MRPL3: variants seen among roughly 807,000 people sequenced by gnomAD.
MRPL3 encodes large ribosomal subunit protein uL3m.
A neutral mutation model predicts 44.3 loss-of-function variants in MRPL3; 43 were observed. The ratio of observed to expected loss-of-function variants is 0.97; its 90% CI spans 0.76 to 1.25. MRPL3 has a LOEUF of 1.25. MRPL3 is among the 50% of genes most tolerant of loss of function. The pLI is 0.00. For synonymous variants in MRPL3, 171 were observed against 152.3 expected, an observed-to-expected ratio of 1.12 and a Z score of -0.91; for missense variants, 406 against 427.6, an observed-to-expected ratio of 0.95 and a Z score of 0.45.
chr3:131,500,385 C>A (rs1329105004), intron 3 of MRPL3, 45 bp downstream of exon 3: 1 of 1,491,664 alleles, frequency 6.7e-7, no homozygotes, highest in Non-Finnish European at 9.3e-7. Flanking sequence ...ACAAACAGAT[C>A]TTGAAACACA....
chr3:131,465,599 G>A (rs371174619), intron 9 of MRPL3, among the ~76,000 whole-genome samples: 34 of 152,200 alleles, frequency 2.2e-4, no homozygotes, highest in African/African-American at 8.2e-4. Flanking sequence ...TTAATCTGGT[G>A]TCCAGTATAC....
At chr3:131,490,589 T>G (rs183148343) in intron 4 of MRPL3, among the ~76,000 whole-genome samples, 1 of 152,230 alleles carries the variant, frequency 6.6e-6, no homozygotes, top group Admixed American at 6.5e-5. Flanking sequence ...ATAAGAAAAC[T>G]AAGTCACATC....
intron 6 of MRPL3, among the ~76,000 whole-genome samples, chr3:131,486,104 G>C: frequency 6.6e-6 from 1 of 152,026 alleles, no homozygotes; most frequent in Non-Finnish European, 1.5e-5. Context: ...TTAATAAATG[G>C]TGCTGGGAAA....
chr3:131,486,501 G>C (rs938015632), intron 6 of MRPL3, among the ~76,000 whole-genome samples: 2 of 150,428 alleles, frequency 1.3e-5, no homozygotes, highest in African/African-American at 2.5e-5. Context: ...CATTGTGCAG[G>C]TTAGTTACAT....
At chr3:131,487,543 T>C (rs1934157121) in intron 6 of MRPL3, 137 bp downstream of exon 6, 4 of 712,376 alleles carry the variant, frequency 5.6e-6, no homozygotes, top group Non-Finnish European at 9.4e-6. Flanking sequence ...GTAGGTAACA[T>C]GAAAGATTTG....
chr3:131,500,129 G>A (rs539876539), intron 3 of MRPL3, among the ~76,000 whole-genome samples: 70 of 152,138 alleles, frequency 4.6e-4, no homozygotes, highest in Non-Finnish European at 7.6e-4. Context: ...AAACAAAATG[G>A]GATTGAGATT....
At chr3:131,495,807 G>C (rs1206853900) in intron 4 of MRPL3, among the ~76,000 whole-genome samples, 1 of 151,982 alleles carries the variant, frequency 6.6e-6, no homozygotes, top group East Asian at 1.9e-4. Context: ...CTCCAAACTT[G>C]TTTTTTCTTG....
At position 131,462,928 on chromosome 3, in the gene MRPL3, C is replaced by A. The variant is rs940738246; in HGVS notation, c.895-53G>T. 3 of 1,465,650 alleles carry A rather than the reference C, an allele frequency of 2.0e-6. 1 individual carries two copies. Among genetic ancestry groups the A allele is most frequent in the South Asian group, 2.5e-5 (2 of 78,992 alleles). The allele number at this position is 1,465,650 out of a possible 1,614,324, so 90.8% of individuals were successfully genotyped here. The stretch of plus-strand genomic sequence containing the variant: ...ACCAATTAAGTTCTTTAAAGGTAGA[C>A]TTTTCAGCTATTATTCATAATCAAA... On this transcript the variant is annotated intron_variant, in intron 9 of 9. Coordinates refer to ENST00000264995, the MANE Select transcript of MRPL3 (RefSeq NM_007208.4).
chr3:131,484,498 C>T (rs142756323), intron 6 of MRPL3, among the ~76,000 whole-genome samples: 19 of 152,252 alleles, frequency 1.2e-4, no homozygotes, highest in African/African-American at 4.3e-4. Flanking sequence ...AGTGTTCACC[C>T]TTCCAACAGG....
intron 4 of MRPL3, among the ~76,000 whole-genome samples, chr3:131,492,974 A>C (rs1934291278): frequency 6.6e-6 from 1 of 152,222 alleles, no homozygotes; most frequent in South Asian, 2.1e-4. Context: ...ATAGGACTTG[A>C]CAAAAAAGTT....
At chr3:131,465,415 G>C (rs1171729771) in intron 9 of MRPL3, among the ~76,000 whole-genome samples, 1 of 152,164 alleles carries the variant, frequency 6.6e-6, no homozygotes, top group Non-Finnish European at 1.5e-5. Flanking sequence ...AGTTTTTCAA[G>C]ATAATTGACC....
intron 1 of MRPL3, 126 bp from the exon 2 acceptor site, chr3:131,501,841 T>C (rs749490550): frequency 1.3e-6 from 2 of 1,570,008 alleles, no homozygotes; most frequent in Admixed American, 1.8e-5. Flanking sequence ...GGATTCTGTA[T>C]ACCTTTTTTT....
chr3:131,498,072 C>T, intron 4 of MRPL3, 107 bp downstream of exon 4: 1 of 864,760 alleles, frequency 1.2e-6, no homozygotes, highest in African/African-American at 1.7e-5. Flanking sequence ...ATTTACCTCA[C>T]AAACAAATGC....
intron 2 of MRPL3, 95 bp from the exon 3 acceptor site, chr3:131,500,616 G>T: frequency 1.1e-6 from 1 of 942,810 alleles, no homozygotes; most frequent in South Asian, 1.4e-5. Flanking sequence ...TTCCGTATGA[G>T]GAGCAGGCAC....
intron 9 of MRPL3, among the ~76,000 whole-genome samples, chr3:131,467,693 C>T (rs1280722158): frequency 1.3e-5 from 2 of 152,112 alleles, no homozygotes. Flanking sequence ...CCTCCCTAGC[C>T]ATGCTTCCTG....
rs917779709 is a variant in MRPL3 at position 131,502,924 on chromosome 3, A to T, written c.-103T>A. ...CCACGTGGACGCAGTAGCCGTGGGGAAGTTTTCGCAATGGCCGCCGGAACG... is the reference window on the plus strand; with the variant it reads ...CCACGTGGACGCAGTAGCCGTGGGGTAGTTTTCGCAATGGCCGCCGGAACG... On this transcript the variant is annotated 5_prime_UTR_variant, in exon 1 of 10. Coordinates refer to ENST00000264995, the MANE Select transcript of MRPL3 (RefSeq NM_007208.4). 2.7e-6 allele frequency: 3 copies of T among 1,104,438 alleles called. No individual in the cohort carries two copies. The highest frequency in any genetic ancestry group is 2.7e-6 in the Non-Finnish European group (2 of 743,224). 68.4% of individuals were successfully genotyped at this position (1,104,438 alleles called of 1,614,324 possible). A position where few individuals can be genotyped will look rare whatever the true frequency, so the allele number is the denominator to read the frequency against.
intron 6 of MRPL3, among the ~76,000 whole-genome samples, chr3:131,476,977 T>A (rs977121270): frequency 1.3e-5 from 2 of 152,196 alleles, no homozygotes; most frequent in Non-Finnish European, 2.9e-5. Context: ...AGCTTAAAGG[T>A]ATGGCTAATA....
Position 131,469,690 on chromosome 3 carries a change from AC to A in MRPL3, c.816+5del, listed in dbSNP as rs1340947458. On this transcript the variant is annotated splice_donor_5th_base_variant and intron_variant, in intron 8 of 9. Transcript: ENST00000264995. Reference sequence around the variant, plus strand: ...GTTCCTAAAAAGAACCACTTGTAACACTTACTTTCAGTCCATATTCTGTCCT... The same window carrying A: ...GTTCCTAAAAAGAACCACTTGTAACATTACTTTCAGTCCATATTCTGTCCT... 8 of 1,602,046 alleles carry A rather than the reference AC, an allele frequency of 5.0e-6. No homozygotes were observed. Among genetic ancestry groups the A allele is most frequent in the African/African-American group, 1.3e-5 (1 of 74,440 alleles).
intron 6 of MRPL3, among the ~76,000 whole-genome samples, chr3:131,476,928 C>A (rs1346212166): frequency 6.6e-6 from 1 of 152,090 alleles, no homozygotes; most frequent in Non-Finnish European, 1.5e-5. Context: ...AATGGGCATG[C>A]CTTTTAGTTT....
Sources: gnomAD v4.1 joint callset for allele counts (sites outside exome capture counted in the v4.1 genomes callset) on GRCh38, gnomAD v4.1.1 for gene constraint, MANE v1.5 for transcripts, NCBI Gene and HGNC (gene_info 2026-07-23, HGNC 2026-07-21) for gene names.